The following RBFOX1 variants were observed in gnomAD, a reference collection of about 807,000 sequenced individuals.
The protein encoded by RBFOX1 is RNA binding protein fox-1 homolog 1.
Under a neutral mutation model 57.7 loss-of-function variants are expected in RBFOX1, and 8 were observed. That is an observed-to-expected ratio of 0.14 (90% confidence interval 0.08 to 0.25). The LOEUF is 0.25. Among genes scored for constraint, RBFOX1 ranks in the 10% least tolerant of loss-of-function variants. The probability of loss-of-function intolerance (pLI) is 1.00; values close to 1 mark genes in which losing one functional copy is unlikely to be tolerated. For synonymous variants in RBFOX1, 326 were observed against 222.4 expected, an observed-to-expected ratio of 1.47 and a Z score of -4.15; for missense variants, 611 against 548.5, an observed-to-expected ratio of 1.11 and a Z score of -1.14.
chr16:6,839,369 A>G (rs1258093908), intron 3 of RBFOX1, among the ~76,000 whole-genome samples: 3 of 152,216 alleles, frequency 2.0e-5, no homozygotes, highest in African/African-American at 7.2e-5. Flanking sequence ...CTGGGCAGAA[A>G]GGCTGAGGTT....
At chr16:6,046,266 T>C (rs1043450078) in intron 1 of RBFOX1, among the ~76,000 whole-genome samples, 2 of 152,176 alleles carry the variant, frequency 1.3e-5, no homozygotes, top group African/African-American at 4.8e-5. Flanking sequence ...GGAATGGATA[T>C]ACTTTTTGTG....
At chr16:5,619,712 T>G (rs900835765) in intron 3 of RBFOX1, among the ~76,000 whole-genome samples, 3 of 152,144 alleles carry the variant, frequency 2.0e-5, no homozygotes, top group African/African-American at 7.2e-5. Context: ...GAGGCTCCAC[T>G]GGGAGCTTGC....
In RBFOX1 at chr16:6,055,038, A is replaced by T. The variant is rs17139243; in HGVS notation, c.-127+35046A>T. The stretch of plus-strand genomic sequence containing the variant: ...TTTAGTAAATATTGTCAGGTGTCCA[A>T]TGCAGAATCATGTCATGTGAGGCTG... On this transcript the variant is annotated intron_variant, in intron 1 of 15. Coordinates refer to ENST00000550418, the MANE Select transcript of RBFOX1 (RefSeq NM_018723.4). Among the ~76,000 whole-genome samples, 487 of 152,182 alleles carry T rather than the reference A, an allele frequency of 3.2e-3. 1 individual carries two copies. The highest frequency in any genetic ancestry group is 0.011 in the African/African-American group (460 of 41,526).
At chr16:6,852,912 G>A (rs2094146621) in intron 3 of RBFOX1, among the ~76,000 whole-genome samples, 1 of 152,194 alleles carries the variant, frequency 6.6e-6, no homozygotes, top group Non-Finnish European at 1.5e-5. Context: ...GTGCATGCTG[G>A]GAACTAGCTG....
At chr16:7,330,510 T>G (rs9941034) in intron 4 of RBFOX1, among the ~76,000 whole-genome samples, 7,160 of 56,492 alleles carry the variant, frequency 0.13, 531 homozygotes, top group African/African-American at 0.36. Flanking sequence ...GTGTGTGTGT[T>G]TGTGTGTGTG....
chr16:6,930,298 A>G (rs2076292641), intron 3 of RBFOX1, among the ~76,000 whole-genome samples: 1 of 152,212 alleles, frequency 6.6e-6, no homozygotes, highest in Non-Finnish European at 1.5e-5. Context: ...AAAGATATAT[A>G]CAAATGGCCA....
intron 3 of RBFOX1, among the ~76,000 whole-genome samples, chr16:6,736,922 G>T (rs1189380348): frequency 1.3e-5 from 2 of 152,308 alleles, no homozygotes; most frequent in East Asian, 3.9e-4. Context: ...TGCTGTGATG[G>T]ATTGGTGATG....
intron 1 of RBFOX1, among the ~76,000 whole-genome samples, chr16:5,396,507 C>T (rs2066560142): frequency 6.6e-6 from 1 of 152,094 alleles, no homozygotes; most frequent in Non-Finnish European, 1.5e-5. Flanking sequence ...CTGGGTGTGG[C>T]AGCACATGCC....
At chr16:6,865,827 A>G (rs980783713) in intron 3 of RBFOX1, among the ~76,000 whole-genome samples, 6 of 152,194 alleles carry the variant, frequency 3.9e-5, no homozygotes, top group African/African-American at 1.4e-4. Flanking sequence ...ATTTTCAGGT[A>G]CAATTAACTT....
chr16:7,222,440 G>A (rs1308009533), intron 4 of RBFOX1, among the ~76,000 whole-genome samples: 1 of 152,186 alleles, frequency 6.6e-6, no homozygotes, highest in East Asian at 1.9e-4. Context: ...TGGCAGCCCA[G>A]AGCTCTGTCA....
intron 2 of RBFOX1, among the ~76,000 whole-genome samples, chr16:6,578,825 T>C (rs1879324305): frequency 1.3e-5 from 2 of 152,074 alleles, no homozygotes; most frequent in South Asian, 4.1e-4. Context: ...ATTTCCTGGT[T>C]GCTAAAAAAT....
At chr16:6,922,345 C>T (rs1394184380) in intron 3 of RBFOX1, among the ~76,000 whole-genome samples, 5 of 152,130 alleles carry the variant, frequency 3.3e-5, no homozygotes, top group Non-Finnish European at 7.4e-5. Flanking sequence ...GCAAGTTTCG[C>T]ATGCTGCAGC....
At chr16:6,722,930 G>C (rs1299446382) in intron 3 of RBFOX1, among the ~76,000 whole-genome samples, 7 of 152,172 alleles carry the variant, frequency 4.6e-5, no homozygotes, top group Non-Finnish European at 7.3e-5. Flanking sequence ...TTGGGGACTA[G>C]GGGGCCCTCT....
intron 1 of RBFOX1, chr16:6,056,842 C>CTTTTTTTTTTTTT (rs61605263): frequency 6.7e-6 from 1 of 148,630 alleles, no homozygotes; most frequent in African/African-American, 2.5e-5. Flanking sequence ...AGACTTAAGA[C>CTTTTTTTTTTTTT]TTTTTTTTTT....
intron 3 of RBFOX1, among the ~76,000 whole-genome samples, chr16:6,969,179 C>G (rs761153790): frequency 7.9e-5 from 12 of 152,234 alleles, no homozygotes; most frequent in South Asian, 4.2e-4. Context: ...AACTTAACTT[C>G]TCTTAACTCC....
chr16:6,776,324 T>A (rs532946300), intron 3 of RBFOX1, among the ~76,000 whole-genome samples: 7 of 152,044 alleles, frequency 4.6e-5, no homozygotes, highest in Admixed American at 3.3e-4. Flanking sequence ...GGCAGGAGAA[T>A]GGTGTGAACC....
chr16:6,490,380 A>G (rs897760010), intron 2 of RBFOX1, among the ~76,000 whole-genome samples: 6 of 152,192 alleles, frequency 3.9e-5, no homozygotes, highest in African/African-American at 1.4e-4. Context: ...GTATTTTTCA[A>G]AATTTCTTGT....
At chr16:7,382,201 C>T (rs1345825272) in intron 4 of RBFOX1, among the ~76,000 whole-genome samples, 1 of 152,156 alleles carries the variant, frequency 6.6e-6, no homozygotes, top group East Asian at 1.9e-4. Context: ...ATGAAGACTC[C>T]ATTTCAGTAA....
intron 3 of RBFOX1, among the ~76,000 whole-genome samples, chr16:6,764,305 G>T (rs530815085): frequency 6.6e-6 from 1 of 152,148 alleles, no homozygotes. Context: ...AAATGATCAA[G>T]CTCAGCAATT....
Sources: allele counts gnomAD v4.1 joint callset (sites outside exome capture counted in the v4.1 genomes callset), GRCh38; gene constraint gnomAD v4.1.1; transcripts MANE v1.5; gene names NCBI Gene and HGNC (gene_info 2026-07-23, HGNC 2026-07-21).